The following THSD7B variants were observed in gnomAD, a reference collection of about 807,000 sequenced individuals.
THSD7B encodes thrombospondin type 1 domain containing 7B.
THSD7B carries 138 observed loss-of-function variants against 213.6 expected under a neutral mutation model. That is an observed-to-expected ratio of 0.65 (90% CI 0.56 to 0.74). The LOEUF is 0.74. THSD7B is among the 30% of genes least tolerant of loss of function. The pLI is 0.00. For missense variants in THSD7B, 1,931 were observed against 1,991.5 expected (o/e 0.97, Z 0.58); for synonymous variants, 742 against 687.0 (o/e 1.08, Z -1.25).
chr2:137,430,430 G>T (rs1257909857), intron 14 of THSD7B, among the ~76,000 whole-genome samples: 1 of 152,066 alleles, frequency 6.6e-6, no homozygotes, highest in Non-Finnish European at 1.5e-5. Flanking sequence ...TCAGCTTTAG[G>T]CCAGTAATTC....
At chr2:136,973,593 A>C (rs1685436620) in intron 2 of THSD7B, among the ~76,000 whole-genome samples, 1 of 152,196 alleles carries the variant, frequency 6.6e-6, no homozygotes, top group Non-Finnish European at 1.5e-5. Context: ...CCAATAGAAA[A>C]GTGCATTCAA....
At chr2:136,999,476 T>G (rs895254496) in intron 2 of THSD7B, among the ~76,000 whole-genome samples, 1 of 152,108 alleles carries the variant, frequency 6.6e-6, no homozygotes, top group African/African-American at 2.4e-5. Context: ...TTTTTTTTTT[T>G]TCAAGCATGA....
At chr2:137,582,842 TGGGTGTATACCCA>T (rs1256877155) in intron 17 of THSD7B, among the ~76,000 whole-genome samples, 1 of 152,232 alleles carries the variant, frequency 6.6e-6, no homozygotes, top group Non-Finnish European at 1.5e-5. Context: ...TATAATCCTT[TGGGTGTATACCCA>T]GTAATGGGAT....
rs376909763 is a variant in THSD7B at position 136,922,796 on chromosome 2, G to A, written c.139+40479G>A. Among the ~76,000 whole-genome samples the A allele has an allele frequency of 1.8e-4, 27 of 152,256 alleles. No homozygotes were observed. In the East Asian group the frequency reaches 2.3e-3, roughly 13 times the overall value. The stretch of plus-strand genomic sequence containing the variant: ...ACTATACCACTTTTCTATCAAAACA[G>A]GAAAGCGAAACATTTAACCCTCCTA... On this transcript the variant is annotated intron_variant, in intron 2 of 27. Coordinates refer to ENST00000409968, the MANE Select transcript of THSD7B (RefSeq NM_001316349.2).
chr2:137,160,607 A>G (rs1355304040), intron 6 of THSD7B, among the ~76,000 whole-genome samples: 4 of 152,132 alleles, frequency 2.6e-5, no homozygotes. Flanking sequence ...TATTTGGTAT[A>G]ACTTCATCTT....
chr2:137,592,108 C>T (rs1681876617), intron 17 of THSD7B, among the ~76,000 whole-genome samples: 1 of 151,550 alleles, frequency 6.6e-6, no homozygotes. Context: ...ATGGACTATG[C>T]CTTGTATTTT....
intron 7 of THSD7B, among the ~76,000 whole-genome samples, chr2:137,206,078 TG>T (rs1159562391): frequency 4.6e-5 from 7 of 151,986 alleles, no homozygotes; most frequent in African/African-American, 7.2e-5. Context: ...TCTTTCATAT[TG>T]TTTTTTTAAA....
chr2:137,577,009 C>A (rs1035329924), intron 17 of THSD7B, among the ~76,000 whole-genome samples: 2 of 152,228 alleles, frequency 1.3e-5, no homozygotes, highest in East Asian at 3.9e-4. Flanking sequence ...ACGCAGATGG[C>A]AACCTGTATT....
intron 2 of THSD7B, among the ~76,000 whole-genome samples, chr2:136,965,433 A>C (rs1322770133): frequency 2.0e-5 from 3 of 152,244 alleles, no homozygotes; most frequent in African/African-American, 7.2e-5. Flanking sequence ...CCTCACGAAG[A>C]AAATGGCATT....
intron 1 of THSD7B, among the ~76,000 whole-genome samples, chr2:136,859,709 C>T (rs1051012859): frequency 1.3e-5 from 2 of 152,052 alleles, no homozygotes; most frequent in Admixed American, 6.6e-5. Context: ...GGCCACAGTG[C>T]GTTTTTATGT....
At chr2:137,659,887 TC>T in intron 25 of THSD7B, 141 bp downstream of exon 25, 1 of 649,190 alleles carries the variant, frequency 1.5e-6, no homozygotes. Flanking sequence ...GCAGGAGTAA[TC>T]CCAGTTATAA....
intron 4 of THSD7B, among the ~76,000 whole-genome samples, chr2:137,101,801 C>T (rs935180086): frequency 3.3e-5 from 5 of 152,190 alleles, no homozygotes; most frequent in East Asian, 1.9e-4. Flanking sequence ...GAGTCCACCA[C>T]CGCGCCACAA....
At chr2:137,671,991 T>C (rs753020011) in intron 27 of THSD7B, among the ~76,000 whole-genome samples, 27 of 152,192 alleles carry the variant, frequency 1.8e-4, no homozygotes, top group Non-Finnish European at 3.4e-4. Context: ...ATTGTAGTTA[T>C]TTATATAAAC....
intron 2 of THSD7B, among the ~76,000 whole-genome samples, chr2:136,923,659 C>A (rs1386796516): frequency 6.6e-6 from 1 of 151,992 alleles, no homozygotes; most frequent in East Asian, 1.9e-4. Flanking sequence ...CTAATGGGGG[C>A]GAGGTGTTAT....
Position 137,473,355 on chromosome 2 carries a change from C to A in THSD7B, c.3138+22332C>A, listed in dbSNP as rs559289332. 2.0e-4 allele frequency among the ~76,000 whole-genome samples: 31 copies of A among 152,076 alleles called. 1 individual carries two copies. Among genetic ancestry groups the A allele is most frequent in the Admixed American group, 1.6e-3 (24 of 15,276 alleles). ...CTGCCTCAGCCTCCCACTACAGGCA[C>A]CCGCCACCACACCTGGCTAATTTTT... On this transcript the variant is annotated intron_variant, in intron 15 of 27. Transcript: ENST00000409968.
At chr2:137,375,967 T>A (rs1685644826) in intron 12 of THSD7B, among the ~76,000 whole-genome samples, 1 of 152,216 alleles carries the variant, frequency 6.6e-6, no homozygotes, top group South Asian at 2.1e-4. Flanking sequence ...AAAAGGAAAG[T>A]TCCTTAGAAG....
intron 17 of THSD7B, among the ~76,000 whole-genome samples, chr2:137,590,792 G>GTTTTTTT (rs1215185747): frequency 6.8e-5 from 6 of 88,714 alleles, no homozygotes; most frequent in African/African-American, 1.6e-4. Flanking sequence ...CTTTGAAATA[G>GTTTTTTT]TTTTTTTTTT....
intron 2 of THSD7B, among the ~76,000 whole-genome samples, chr2:136,976,638 T>A: frequency 6.6e-6 from 1 of 152,172 alleles, no homozygotes; most frequent in South Asian, 2.1e-4. Context: ...TTTCCTTTTT[T>A]TTTTTCTTTT....
At chr2:136,822,023 C>T (rs1384963426) in intron 1 of THSD7B, among the ~76,000 whole-genome samples, 2 of 152,130 alleles carry the variant, frequency 1.3e-5, no homozygotes, top group Non-Finnish European at 2.9e-5. Context: ...GCTCAAGGAT[C>T]ACCACCCTTA....
Sources: gnomAD v4.1 joint callset for allele counts (sites outside exome capture counted in the v4.1 genomes callset) on GRCh38, gnomAD v4.1.1 for gene constraint, MANE v1.5 for transcripts, NCBI Gene and HGNC (gene_info 2026-07-23, HGNC 2026-07-21) for gene names.